EFHD1: variants seen among roughly 807,000 people sequenced by gnomAD.
EFHD1 encodes EF-hand domain-containing protein D1.
EFHD1 carries 10 observed loss-of-function variants against 17.2 expected under a neutral mutation model. The observed-to-expected ratio is 0.58, with a 90% CI of 0.36 to 0.99. The LOEUF (loss-of-function observed/expected upper bound fraction) is 0.99. EFHD1 is among the 50% of genes least tolerant of loss of function. The probability of loss-of-function intolerance (pLI) is 0.01; values close to 1 mark genes in which losing one functional copy is unlikely to be tolerated. For synonymous variants in EFHD1, 153 were observed against 142.0 expected (o/e 1.08, Z -0.55); for missense variants, 310 against 327.5 (o/e 0.95, Z 0.41).
At chr2:232,654,924 T>C (rs1046835109) in intron 1 of EFHD1, among the ~76,000 whole-genome samples, 1 of 152,224 alleles carries the variant, frequency 6.6e-6, no homozygotes, top group Admixed American at 6.5e-5. Context: ...TCCTCCCATC[T>C]GCCTAGTCAG....
At chr2:232,649,708 CA>C (rs1164278388) in intron 1 of EFHD1, 1 of 152,208 alleles carries the variant, frequency 6.6e-6, no homozygotes, top group Non-Finnish European at 1.5e-5. Flanking sequence ...GCAAGGCACA[CA>C]AGGCTCATGG....
At chr2:232,628,063 A>C (rs1694139865) in intron 1 of EFHD1, among the ~76,000 whole-genome samples, 2 of 152,052 alleles carry the variant, frequency 1.3e-5, no homozygotes, top group Non-Finnish European at 2.9e-5. Flanking sequence ...ATTTATTTAC[A>C]TTTATTTATT....
chr2:232,660,185 AT>A (rs199785681), intron 1 of EFHD1, among the ~76,000 whole-genome samples: 1,801 of 97,868 alleles, frequency 0.018, 43 homozygotes, highest in African/African-American at 0.058. Context: ...ATTTTATTTT[AT>A]TTTATTTATT....
intron 2 of EFHD1, among the ~76,000 whole-genome samples, chr2:232,671,624 G>A (rs1191647238): frequency 6.6e-6 from 1 of 152,084 alleles, no homozygotes; most frequent in Non-Finnish European, 1.5e-5. Flanking sequence ...CTACTCGAGA[G>A]GCTGAGGCAG....
rs1417274352 is a variant in EFHD1 at position 232,682,719 on chromosome 2, ATATT to A, written c.*1005_*1008del. ...TTTTTAACAAATATATCCTAATGTC[ATATT>A]TATTCTCTTTTGTAACTGCTGTCTT... On this transcript the variant is annotated 3_prime_UTR_variant, in exon 4 of 4. Coordinates refer to ENST00000264059, the MANE Select transcript of EFHD1 (RefSeq NM_025202.4). The A allele has an allele frequency of 6.6e-6, 1 of 152,152 alleles. No homozygotes were observed. The highest frequency in any genetic ancestry group is 1.9e-4 in the East Asian group (1 of 5,190). The allele number at this position is 152,152 out of a possible 1,614,324, so 9.4% of individuals were successfully genotyped here. A position where few individuals can be genotyped will look rare whatever the true frequency, so the allele number is the denominator to read the frequency against.
At chr2:232,634,107 C>T (rs1004664840) in intron 1 of EFHD1, 101 bp downstream of exon 1, 2 of 1,505,512 alleles carry the variant, frequency 1.3e-6, no homozygotes, top group Non-Finnish European at 1.8e-6. Flanking sequence ...GGAGGGGTCC[C>T]GGGGTGCAGG....
chr2:232,638,569 A>C, intron 1 of EFHD1: 1 of 411,616 alleles, frequency 2.4e-6, no homozygotes, highest in South Asian at 1.9e-5. Context: ...TCTCTAAAGG[A>C]GAGAGAAGCG....
chr2:232,645,889 C>T (rs1280702481), intron 1 of EFHD1, among the ~76,000 whole-genome samples: 2 of 152,188 alleles, frequency 1.3e-5, no homozygotes, highest in South Asian at 4.1e-4. Context: ...CACTCTTGTC[C>T]AGTGTCACAT....
At chr2:232,672,973 C>T (rs1026970167) in intron 3 of EFHD1, among the ~76,000 whole-genome samples, 2 of 152,184 alleles carry the variant, frequency 1.3e-5, no homozygotes, top group Non-Finnish European at 2.9e-5. Flanking sequence ...TCTCATCTGA[C>T]AGTGTCAGGG....
chr2:232,640,563 C>T (rs1423571376), intron 1 of EFHD1, among the ~76,000 whole-genome samples: 1 of 152,158 alleles, frequency 6.6e-6, no homozygotes, highest in East Asian at 1.9e-4. Flanking sequence ...CTGCCAGGTG[C>T]CAGTTTATAT....
At chr2:232,609,054 CTTTTT>C (rs1244427931) in intron 1 of EFHD1, among the ~76,000 whole-genome samples, 1 of 82,264 alleles carries the variant, frequency 1.2e-5, no homozygotes, top group Non-Finnish European at 2.1e-5. Context: ...TGCATAAGTT[CTTTTT>C]TTTTTTTTTT....
At chr2:232,652,380 C>G (rs1216617520) in intron 1 of EFHD1, among the ~76,000 whole-genome samples, 3 of 152,108 alleles carry the variant, frequency 2.0e-5, no homozygotes, top group Non-Finnish European at 4.4e-5. Flanking sequence ...CACACTGTGC[C>G]TTCTCTAGCC....
rs201897089 is a variant in EFHD1 at position 232,643,670 on chromosome 2, GTTGT to G, written c.302+9679_302+9682del. On this transcript the variant is annotated intron_variant, in intron 1 of 3. Transcript: ENST00000264059. ...CAATGTCCATCTGTGTTTTTTTGTTGTTGTTTGTTTGTTTGTTTTTGTTGTTGTT... is the reference window on the plus strand; with the variant it reads ...CAATGTCCATCTGTGTTTTTTTGTTGTTGTTTGTTTGTTTTTGTTGTTGTT... Among the ~76,000 whole-genome samples the G allele has an allele frequency of 3.5e-3, 529 of 149,746 alleles. 3 individuals are homozygous for G. The highest frequency in any genetic ancestry group is 5.7e-3 in the Non-Finnish European group (382 of 67,454).
chr2:232,613,895 A>AC (rs1559335869), intron 1 of EFHD1, among the ~76,000 whole-genome samples: 1 of 150,942 alleles, frequency 6.6e-6, no homozygotes, highest in Non-Finnish European at 1.5e-5. Flanking sequence ...TACACACACA[A>AC]ACACATACAA....
At position 232,668,419 on chromosome 2, in the gene EFHD1, G is replaced by A. The variant is rs1574731823; in HGVS notation, c.451-3890G>A. 2.0e-5 allele frequency among the ~76,000 whole-genome samples: 3 copies of A among 152,114 alleles called. 1 individual carries two copies. In the East Asian group the frequency reaches 5.8e-4, roughly 29 times the overall value. ...CGTCTGGATCTGCCCCAGACCTGAG[G>A]GTTCAGAGGAAACAGCTCTGGGGAA... On this transcript the variant is annotated intron_variant, in intron 2 of 3. Coordinates refer to ENST00000264059, the MANE Select transcript of EFHD1 (RefSeq NM_025202.4).
intron 1 of EFHD1, among the ~76,000 whole-genome samples, chr2:232,613,625 C>CACATAT (rs1357112346): frequency 0.32 from 37,566 of 116,676 alleles, 5,307 homozygotes; most frequent in Middle Eastern, 0.39. Context: ...CACACACACA[C>CACATAT]ACACACATAT....
intron 1 of EFHD1, among the ~76,000 whole-genome samples, chr2:232,646,772 C>T (rs1361276719): frequency 2.0e-5 from 3 of 152,182 alleles, no homozygotes; most frequent in African/African-American, 7.2e-5. Flanking sequence ...TTATGATGCT[C>T]CCCCACCTTC....
chr2:232,681,871 T>TC lies in EFHD1; in HGVS notation c.*155dup. 1.6e-6 allele frequency: 2 copies of TC among 1,258,712 alleles called. No homozygotes were observed. The highest frequency in any genetic ancestry group is 3.1e-5 in the South Asian group (2 of 64,024). 78.0% of individuals were successfully genotyped at this position (1,258,712 alleles called of 1,614,324 possible). The stretch of plus-strand genomic sequence containing the variant: ...CAGCTCCCGTGCCAGCCTTCATTCC[T>TC]CCCAGTGTCCAAGCCCCTCCAGGAG... On this transcript the variant is annotated 3_prime_UTR_variant, in exon 4 of 4. Transcript: ENST00000264059.
intron 1 of EFHD1, among the ~76,000 whole-genome samples, chr2:232,621,281 G>A (rs1265804340): frequency 6.6e-6 from 1 of 152,054 alleles, no homozygotes; most frequent in Non-Finnish European, 1.5e-5. Flanking sequence ...GAGAATCTCT[G>A]GTGGCTGGAA....
Sources: allele counts gnomAD v4.1 joint callset (sites outside exome capture counted in the v4.1 genomes callset), GRCh38; gene constraint gnomAD v4.1.1; transcripts MANE v1.5; gene names NCBI Gene and HGNC (gene_info 2026-07-23, HGNC 2026-07-21).